RARB: variants seen among roughly 807,000 people sequenced by gnomAD.
The protein encoded by RARB is HBV-activated protein.
A neutral mutation model predicts 51.9 loss-of-function variants in RARB; 17 were observed. That is an observed-to-expected ratio of 0.33 (90% CI 0.22 to 0.49). The LOEUF (loss-of-function observed/expected upper bound fraction) is 0.49, where lower values mean the gene tolerates loss of function less well. RARB is among the 20% of genes least tolerant of loss of function. RARB has a pLI of 0.99. For synonymous variants in RARB, 215 were observed against 195.4 expected (o/e 1.10, Z -0.84); for missense variants, 369 against 550.8 (o/e 0.67, Z 3.30).
At chr3:25,544,043 T>C (rs975240634) in intron 3 of RARB, among the ~76,000 whole-genome samples, 6 of 152,204 alleles carry the variant, frequency 3.9e-5, no homozygotes, top group Non-Finnish European at 8.8e-5. Context: ...GGGAAAAGAA[T>C]GGCTATACAA....
At chr3:25,129,069 T>C (rs1158929765) in intron 3 of RARB, among the ~76,000 whole-genome samples, 2 of 152,146 alleles carry the variant, frequency 1.3e-5, no homozygotes, top group Admixed American at 6.6e-5. Flanking sequence ...TAACCCATTC[T>C]AGAAATTCAG....
intron 5 of RARB, among the ~76,000 whole-genome samples, chr3:25,396,136 G>T (rs1200571290): frequency 1.3e-5 from 2 of 152,144 alleles, no homozygotes; most frequent in Non-Finnish European, 1.5e-5. Flanking sequence ...TCTCTTCTGG[G>T]TCTAGCCACC....
intron 5 of RARB, among the ~76,000 whole-genome samples, chr3:25,208,747 G>A (rs1207606704): frequency 6.6e-6 from 1 of 151,932 alleles, no homozygotes; most frequent in Non-Finnish European, 1.5e-5. Flanking sequence ...AGATCTCATT[G>A]AGCCCCTCAC....
intron 2 of RARB, among the ~76,000 whole-genome samples, chr3:24,909,266 T>C (rs1694938884): frequency 6.6e-6 from 1 of 152,254 alleles, no homozygotes; most frequent in South Asian, 2.1e-4. Flanking sequence ...TATCCATTCA[T>C]TCATTCAACA....
At chr3:25,230,662 A>C (rs1317731385) in intron 5 of RARB, among the ~76,000 whole-genome samples, 3 of 152,014 alleles carry the variant, frequency 2.0e-5, no homozygotes, top group African/African-American at 7.2e-5. Context: ...CAGATAGGAA[A>C]TATTCTTTGA....
chr3:25,067,694 TCTC>T (rs1698689884), intron 3 of RARB, among the ~76,000 whole-genome samples: 1 of 152,290 alleles, frequency 6.6e-6, no homozygotes, highest in Admixed American at 6.5e-5. Flanking sequence ...CAAACCCCCT[TCTC>T]CTCCTATGCT....
chr3:25,021,391 T>G (rs924588935), intron 2 of RARB, among the ~76,000 whole-genome samples: 11 of 152,076 alleles, frequency 7.2e-5, no homozygotes, highest in Non-Finnish European at 1.5e-4. Flanking sequence ...TTTTTTTTAG[T>G]CAGATCAAAA....
chr3:25,086,865 G>A (rs188611791), intron 3 of RARB, among the ~76,000 whole-genome samples: 17 of 152,090 alleles, frequency 1.1e-4, no homozygotes, highest in East Asian at 3.9e-4. Flanking sequence ...TAAAGCCTCC[G>A]CATAGCCTGC....
At chr3:25,274,564 C>G (rs1703334449) in intron 5 of RARB, among the ~76,000 whole-genome samples, 1 of 152,154 alleles carries the variant, frequency 6.6e-6, no homozygotes. Flanking sequence ...GAAAGGGGAC[C>G]TAAGACACAT....
intron 5 of RARB, among the ~76,000 whole-genome samples, chr3:25,211,515 C>T (rs922469726): frequency 6.6e-6 from 1 of 152,116 alleles, no homozygotes; most frequent in Non-Finnish European, 1.5e-5. Flanking sequence ...ATCAATAACA[C>T]CAAAAAATAC....
At chr3:25,487,472 CTTT>C (rs57189635) in intron 2 of RARB, among the ~76,000 whole-genome samples, 4 of 142,282 alleles carry the variant, frequency 2.8e-5, no homozygotes, top group Admixed American at 7.0e-5. Flanking sequence ...ATGTCCGGCA[CTTT>C]TTTTTTTTTT....
At chr3:25,233,768 T>G (rs1397350425) in intron 5 of RARB, among the ~76,000 whole-genome samples, 1 of 135,666 alleles carries the variant, frequency 7.4e-6, no homozygotes, top group Non-Finnish European at 1.6e-5. Context: ...TGGTTGTTGT[T>G]TTTTTTTTTT....
chr3:24,894,803 T>C (rs1178911378), intron 2 of RARB, among the ~76,000 whole-genome samples: 1 of 152,122 alleles, frequency 6.6e-6, no homozygotes, highest in East Asian at 1.9e-4. Flanking sequence ...GAAACAGAAA[T>C]GAAGAAGATG....
intron 5 of RARB, among the ~76,000 whole-genome samples, chr3:25,341,175 A>G (rs1441276335): frequency 6.6e-6 from 1 of 152,172 alleles, no homozygotes; most frequent in East Asian, 1.9e-4. Context: ...TCTGTTACTC[A>G]TATCTAAACT....
chr3:25,513,885 A>G (rs1223627553), intron 3 of RARB, among the ~76,000 whole-genome samples: 4 of 152,184 alleles, frequency 2.6e-5, no homozygotes, highest in African/African-American at 4.8e-5. Flanking sequence ...CTTACATTCT[A>G]AACTGGAAAT....
intron 5 of RARB, among the ~76,000 whole-genome samples, chr3:25,294,495 C>CA (rs1368089015): frequency 6.6e-6 from 1 of 152,170 alleles, no homozygotes; most frequent in Non-Finnish European, 1.5e-5. Context: ...GAGGAAACTG[C>CA]AGAATGGGGC....
chr3:25,471,827 A>G (rs1294682962), intron 2 of RARB, among the ~76,000 whole-genome samples: 3 of 152,198 alleles, frequency 2.0e-5, no homozygotes, highest in Non-Finnish European at 4.4e-5. Flanking sequence ...ACCTTTTACT[A>G]GAAAAGTTAA....
At chr3:25,383,934 A>AG (rs1219130677) in intron 5 of RARB, among the ~76,000 whole-genome samples, 1 of 152,000 alleles carries the variant, frequency 6.6e-6, no homozygotes, top group Non-Finnish European at 1.5e-5. Context: ...TTGTCTCAAA[A>AG]AAAAAAAAAA....
At chr3:24,989,169 G>T (rs1696859427) in intron 2 of RARB, among the ~76,000 whole-genome samples, 1 of 152,192 alleles carries the variant, frequency 6.6e-6, no homozygotes, top group South Asian at 2.1e-4. Context: ...GCTTTTCCTT[G>T]TACTTATTTC....
Sources: allele counts gnomAD v4.1 joint callset (sites outside exome capture counted in the v4.1 genomes callset), GRCh38; gene constraint gnomAD v4.1.1; transcripts MANE v1.5; gene names NCBI Gene and HGNC (gene_info 2026-07-23, HGNC 2026-07-21).